Variants in GRK5 observed in about 807,000 individuals in gnomAD.
The protein encoded by GRK5 is G protein-coupled receptor kinase 5.
Under a neutral mutation model 78.4 loss-of-function variants are expected in GRK5, and 40 were observed. The ratio of observed to expected loss-of-function variants is 0.51; its 90% CI spans 0.40 to 0.66. The LOEUF is 0.66. Ranked by LOEUF, GRK5 falls within the 30% of genes least tolerant of loss-of-function variation. The pLI is 0.00. For synonymous variants in GRK5, 289 were observed against 296.8 expected (o/e 0.97, Z 0.27); for missense variants, 598 against 759.9 (o/e 0.79, Z 2.50).
chr10:119,425,098 C>T lies in GRK5; in HGVS notation c.533+13C>T. Reference sequence around the variant, plus strand: ...AGTGGTTGGAAAGGTGAGTCCACCACACCCCATACAGATCAGGGAGGCAGA... The same window carrying T: ...AGTGGTTGGAAAGGTGAGTCCACCATACCCCATACAGATCAGGGAGGCAGA... On this transcript the variant is annotated intron_variant, in intron 6 of 15. Coordinates refer to ENST00000392870, the MANE Select transcript of GRK5 (RefSeq NM_005308.3). 1.3e-6 allele frequency: 2 copies of T among 1,554,250 alleles called. No individual in the cohort carries two copies. The highest frequency in any genetic ancestry group is 1.8e-6 in the Non-Finnish European group (2 of 1,125,070).
chr10:119,218,074 T>TTGTGTGTGTGTGTGTGTGTGTGTGTG (rs59742803), intron 1 of GRK5, among the ~76,000 whole-genome samples: 6 of 146,586 alleles, frequency 4.1e-5, no homozygotes, highest in Admixed American at 2.1e-4. Context: ...GTCAACCCGT[T>TTGTGTGTGTGTGTGTGTGTGTGTGTG]TGTGTGTGTG....
intron 2 of GRK5, among the ~76,000 whole-genome samples, chr10:119,344,478 C>T (rs1033284047): frequency 2.0e-5 from 3 of 152,172 alleles, no homozygotes; most frequent in African/African-American, 4.8e-5. Context: ...TTCTTTGTGA[C>T]GCCCGGTCGC....
At chr10:119,225,309 C>A (rs1485114384) in intron 1 of GRK5, among the ~76,000 whole-genome samples, 1 of 152,154 alleles carries the variant, frequency 6.6e-6, no homozygotes, top group East Asian at 1.9e-4. Context: ...AGTACTTCAT[C>A]TGGCCAAAGA....
chr10:119,395,080 C>T lies in GRK5; in HGVS notation c.262-1615C>T, dbSNP rs188710056. 3.3e-3 allele frequency among the ~76,000 whole-genome samples: 480 copies of T among 143,824 alleles called. 11 individuals carry two copies. The highest frequency in any genetic ancestry group is 0.011 in the African/African-American group (433 of 39,928). 94.4% of individuals were successfully genotyped at this position (143,824 alleles called of 152,430 possible). Reference sequence around the variant, plus strand: ...CGCAGTGGGAATCCAGAGGCCAGCGCGCCAGTCCAGCAGCTGTGACCTTGG... The same window carrying T: ...CGCAGTGGGAATCCAGAGGCCAGCGTGCCAGTCCAGCAGCTGTGACCTTGG... On this transcript the variant is annotated intron_variant, in intron 3 of 15. Coordinates refer to ENST00000392870, the MANE Select transcript of GRK5 (RefSeq NM_005308.3).
chr10:119,234,463 C>A (rs1041150930), intron 1 of GRK5, among the ~76,000 whole-genome samples: 1 of 152,326 alleles, frequency 6.6e-6, no homozygotes, highest in East Asian at 1.9e-4. Context: ...GCACAGAAGA[C>A]TTAGGAATCT....
At chr10:119,350,829 T>C (rs1329263686) in intron 2 of GRK5, among the ~76,000 whole-genome samples, 1 of 152,220 alleles carries the variant, frequency 6.6e-6, no homozygotes, top group Non-Finnish European at 1.5e-5. Flanking sequence ...TGATAGAACA[T>C]GCACGCAGCA....
At chr10:119,242,011 G>T (rs1284274205) in intron 1 of GRK5, among the ~76,000 whole-genome samples, 2 of 152,122 alleles carry the variant, frequency 1.3e-5, no homozygotes, top group African/African-American at 4.8e-5. Context: ...TGTTTAGTAG[G>T]TAAGAGTTGT....
At chr10:119,272,575 C>CAAA (rs34489675) in intron 1 of GRK5, among the ~76,000 whole-genome samples, 1 of 97,566 alleles carries the variant, frequency 1.0e-5, no homozygotes, top group Non-Finnish European at 2.0e-5. Context: ...GATTCTATCT[C>CAAA]AAAAAAAAAA....
chr10:119,304,047 C>T (rs1255812784), intron 1 of GRK5, among the ~76,000 whole-genome samples: 3 of 152,050 alleles, frequency 2.0e-5, no homozygotes, highest in African/African-American at 4.8e-5. Context: ...ATCCAGAAGG[C>T]GGAGGGTGTG....
chr10:119,316,542 C>G (rs1850489797), intron 1 of GRK5, among the ~76,000 whole-genome samples: 1 of 152,246 alleles, frequency 6.6e-6, no homozygotes, highest in Non-Finnish European at 1.5e-5. Context: ...GCAACAGATT[C>G]AGGGATTCCC....
At chr10:119,250,340 C>T (rs904029956) in intron 1 of GRK5, among the ~76,000 whole-genome samples, 11 of 152,094 alleles carry the variant, frequency 7.2e-5, no homozygotes, top group Non-Finnish European at 1.5e-4. Flanking sequence ...TTGCCATTCT[C>T]CCTAATTCCA....
chr10:119,358,478 C>G (rs941900762), intron 2 of GRK5, among the ~76,000 whole-genome samples: 1 of 152,184 alleles, frequency 6.6e-6, no homozygotes, highest in African/African-American at 2.4e-5. Context: ...GCCGCCTTCT[C>G]CTGGTCCTGG....
chr10:119,339,633 C>G (rs1183828627), intron 2 of GRK5, among the ~76,000 whole-genome samples: 1 of 152,138 alleles, frequency 6.6e-6, no homozygotes, highest in Non-Finnish European at 1.5e-5. Flanking sequence ...GTGGCTCACT[C>G]CTATAATCCC....
At chr10:119,401,118 C>T (rs1432085746) in intron 4 of GRK5, among the ~76,000 whole-genome samples, 1 of 152,118 alleles carries the variant, frequency 6.6e-6, no homozygotes, top group Non-Finnish European at 1.5e-5. Flanking sequence ...AGCTGCCCTC[C>T]ATGGGCCCGT....
At chr10:119,432,933 T>C (rs1284946161) in intron 8 of GRK5, among the ~76,000 whole-genome samples, 1 of 152,078 alleles carries the variant, frequency 6.6e-6, no homozygotes, top group African/African-American at 2.4e-5. Context: ...TACCTGGGCA[T>C]GGTGGTGGGC....
chr10:119,448,867 T>A (rs1470616468), intron 13 of GRK5, among the ~76,000 whole-genome samples: 1 of 152,094 alleles, frequency 6.6e-6, no homozygotes. Flanking sequence ...GGTCTATAAA[T>A]CATGAGCTCT....
At chr10:119,377,524 A>G (rs370379310) in intron 2 of GRK5, among the ~76,000 whole-genome samples, 54 of 152,332 alleles carry the variant, frequency 3.5e-4, no homozygotes, top group African/African-American at 1.2e-3. Flanking sequence ...TAAAAAGATC[A>G]TTACTGGTCC....
intron 3 of GRK5, among the ~76,000 whole-genome samples, chr10:119,387,578 G>A (rs1851821803): frequency 1.3e-5 from 2 of 152,196 alleles, no homozygotes; most frequent in Admixed American, 1.3e-4. Context: ...CAAAGAGTTT[G>A]CCCAGCTGGT....
At chr10:119,377,219 C>A (rs57337173) in intron 2 of GRK5, among the ~76,000 whole-genome samples, 3 of 152,142 alleles carry the variant, frequency 2.0e-5, no homozygotes, top group Non-Finnish European at 4.4e-5. Flanking sequence ...GAAACAGATC[C>A]GAAAGGGTCC....
Sources: allele counts gnomAD v4.1 joint callset (sites outside exome capture counted in the v4.1 genomes callset), GRCh38; gene constraint gnomAD v4.1.1; transcripts MANE v1.5; gene names NCBI Gene and HGNC (gene_info 2026-07-23, HGNC 2026-07-21).